Variants in PLCXD3 observed in about 807,000 individuals in gnomAD.
The protein encoded by PLCXD3 is PI-PLC X domain-containing protein 3.
PLCXD3 carries 19 observed loss-of-function variants against 25.5 expected under a neutral mutation model. That is an observed-to-expected ratio of 0.75 (90% CI 0.52 to 1.09). PLCXD3 has a LOEUF of 1.09. PLCXD3 is among the 50% of genes least tolerant of loss of function. The pLI is 0.00. For synonymous variants in PLCXD3, 174 were observed against 137.6 expected (o/e 1.26, Z -1.85); for missense variants, 411 against 388.1 (o/e 1.06, Z -0.50).
chr5:41,437,293 A>G (rs1430242689), intron 1 of PLCXD3, among the ~76,000 whole-genome samples: 1 of 152,272 alleles, frequency 6.6e-6, no homozygotes, highest in Non-Finnish European at 1.5e-5. Context: ...GAGAAAAATG[A>G]TGAAGCTCTG....
intron 1 of PLCXD3, among the ~76,000 whole-genome samples, chr5:41,402,851 C>A (rs1477815549): frequency 6.6e-6 from 1 of 151,878 alleles, no homozygotes; most frequent in Non-Finnish European, 1.5e-5. Flanking sequence ...TATTTAATAT[C>A]ATATCATTTT....
chr5:41,365,360 G>A (rs924731286), intron 2 of PLCXD3, among the ~76,000 whole-genome samples: 1 of 152,152 alleles, frequency 6.6e-6, no homozygotes, highest in African/African-American at 2.4e-5. Flanking sequence ...GTCCTAAGAT[G>A]CTGAAGAAGT....
At chr5:41,354,965 A>G (rs1292208458) in intron 2 of PLCXD3, among the ~76,000 whole-genome samples, 6 of 152,220 alleles carry the variant, frequency 3.9e-5, no homozygotes, top group Admixed American at 3.9e-4. Flanking sequence ...TACAGCACAC[A>G]AAGCCACTTG....
intron 2 of PLCXD3, among the ~76,000 whole-genome samples, chr5:41,345,524 T>C (rs1259790390): frequency 2.0e-5 from 3 of 152,208 alleles, no homozygotes; most frequent in Admixed American, 1.3e-4. Flanking sequence ...AATGAGAATA[T>C]TCATAAGATA....
At chr5:41,418,132 C>T (rs546926638) in intron 1 of PLCXD3, among the ~76,000 whole-genome samples, 41 of 152,148 alleles carry the variant, frequency 2.7e-4, no homozygotes, top group African/African-American at 9.2e-4. Flanking sequence ...AGGTATGTGG[C>T]AGTGCAGTGA....
chr5:41,412,005 T>C (rs1746559091), intron 1 of PLCXD3, among the ~76,000 whole-genome samples: 1 of 151,140 alleles, frequency 6.6e-6, no homozygotes, highest in African/African-American at 2.4e-5. Flanking sequence ...TCTATCTGTA[T>C]GTATGTATAG....
At position 41,425,171 on chromosome 5, in the gene PLCXD3, A is replaced by C. The variant is rs1424958911; in HGVS notation, c.104-42637T>G. ...TTGCATCACAGTTTGTGTGATATTA[A>C]TATAACCACACCAAATTTCTGTTAG... On this transcript the variant is annotated intron_variant, in intron 1 of 2. Coordinates refer to ENST00000377801, the MANE Select transcript of PLCXD3 (RefSeq NM_001005473.3). Among the ~76,000 whole-genome samples, 3 of 152,180 alleles carry C rather than the reference A, an allele frequency of 2.0e-5. No homozygotes were observed. The East Asian group carries it at 5.8e-4, about 29-fold the overall frequency.
chr5:41,320,458 G>A (rs576809745), intron 2 of PLCXD3, among the ~76,000 whole-genome samples: 7 of 152,314 alleles, frequency 4.6e-5, no homozygotes, highest in Admixed American at 3.9e-4. Flanking sequence ...GGATGCAAGG[G>A]TGGTTCAACA....
intron 2 of PLCXD3, among the ~76,000 whole-genome samples, chr5:41,326,526 C>T (rs1743632197): frequency 6.6e-6 from 1 of 152,072 alleles, no homozygotes; most frequent in African/African-American, 2.4e-5. Context: ...TTCATTTGTT[C>T]TCCAGTGATA....
At chr5:41,339,431 G>A (rs1744075357) in intron 2 of PLCXD3, among the ~76,000 whole-genome samples, 1 of 151,804 alleles carries the variant, frequency 6.6e-6, no homozygotes, top group African/African-American at 2.4e-5. Flanking sequence ...TATGTCAATG[G>A]ATACAGAGAA....
At position 41,509,122 on chromosome 5, in the gene PLCXD3, G is replaced by T. The variant is rs184072642; in HGVS notation, c.103+1302C>A. On this transcript the variant is annotated intron_variant, in intron 1 of 2. Coordinates refer to ENST00000377801, the MANE Select transcript of PLCXD3 (RefSeq NM_001005473.3). ...ATCAATGGCAGCACTCTTGGTTGGA[G>T]CATCTAGTGATTTTCAAAATAACCC... Among the ~76,000 whole-genome samples, 6 of 152,294 alleles carry T rather than the reference G, an allele frequency of 3.9e-5. No homozygotes were observed. In the East Asian group the frequency reaches 9.6e-4, roughly 24 times the overall value.
chr5:41,499,469 A>C (rs1748909397), intron 1 of PLCXD3, among the ~76,000 whole-genome samples: 2 of 151,794 alleles, frequency 1.3e-5, no homozygotes. Context: ...TGAAAATTGC[A>C]AAACGTTGCA....
intron 1 of PLCXD3, among the ~76,000 whole-genome samples, chr5:41,440,376 G>A (rs2150511415): frequency 6.6e-6 from 1 of 151,348 alleles, no homozygotes; most frequent in East Asian, 2.0e-4. Flanking sequence ...GGGATTACAG[G>A]TGCCTGCCTC....
At chr5:41,320,644 C>A (rs983835817) in intron 2 of PLCXD3, among the ~76,000 whole-genome samples, 6 of 152,128 alleles carry the variant, frequency 3.9e-5, no homozygotes, top group Non-Finnish European at 5.9e-5. Context: ...TTACAGGCAC[C>A]CGCCACCATG....
chr5:41,484,150 G>A (rs551643622), intron 1 of PLCXD3, among the ~76,000 whole-genome samples: 36 of 152,020 alleles, frequency 2.4e-4, no homozygotes, highest in African/African-American at 3.6e-4. Flanking sequence ...ATAGGGGGCC[G>A]CAGCTATATG....
At chr5:41,420,877 A>G (rs1408533554) in intron 1 of PLCXD3, among the ~76,000 whole-genome samples, 1 of 152,186 alleles carries the variant, frequency 6.6e-6, no homozygotes, top group Admixed American at 6.5e-5. Flanking sequence ...TCTCTCTGCA[A>G]TCATGTGACC....
At chr5:41,315,040 T>C (rs1385499392) in intron 2 of PLCXD3, among the ~76,000 whole-genome samples, 2 of 152,168 alleles carry the variant, frequency 1.3e-5, no homozygotes, top group East Asian at 3.9e-4. Flanking sequence ...CAATGCACTT[T>C]CAGGCAGAGG....
intron 2 of PLCXD3, among the ~76,000 whole-genome samples, chr5:41,340,619 C>T (rs547166968): frequency 7.9e-5 from 12 of 152,238 alleles, no homozygotes; most frequent in African/African-American, 2.2e-4. Flanking sequence ...TCACCTTTAC[C>T]AACACTGACC....
chr5:41,453,567 C>A (rs759564484), intron 1 of PLCXD3, among the ~76,000 whole-genome samples: 1 of 151,956 alleles, frequency 6.6e-6, no homozygotes, highest in Non-Finnish European at 1.5e-5. Flanking sequence ...TTCTTAATAT[C>A]TTTACCTCAT....
Sources: gnomAD v4.1 joint callset for allele counts (sites outside exome capture counted in the v4.1 genomes callset) on GRCh38, gnomAD v4.1.1 for gene constraint, MANE v1.5 for transcripts, NCBI Gene and HGNC (gene_info 2026-07-23, HGNC 2026-07-21) for gene names.